The following ACSS3 variants were observed in gnomAD, a reference collection of about 807,000 sequenced individuals.
ACSS3 encodes the protein acyl-CoA synthetase short chain family member 3, also known as acyl-CoA synthetase short-chain family member 3, mitochondrial.
Under a neutral mutation model 84.2 loss-of-function variants are expected in ACSS3, and 64 were observed. The observed-to-expected ratio is 0.76, with a 90% CI of 0.62 to 0.94. ACSS3 has a LOEUF of 0.94. Ranked by LOEUF, ACSS3 falls within the 40% of genes least tolerant of loss-of-function variation. The pLI is 0.00. For missense variants in ACSS3, 815 were observed against 867.6 expected (o/e 0.94, Z 0.76); for synonymous variants, 317 against 310.1 (o/e 1.02, Z -0.23).
chr12:81,078,381 C>G lies in ACSS3; in HGVS notation c.261C>G (p.Tyr87Ter), dbSNP rs555649704. The G allele has an allele frequency of 6.2e-7, 1 of 1,612,664 alleles. No homozygotes were observed. The highest frequency in any genetic ancestry group is 1.3e-5 in the African/African-American group (1 of 74,884). ...AAGCTGCCGAGCAGATCAGCTGGTACAAGCCCTGGACCAAAACGCTGGAGA... is the reference window on the plus strand; with the variant it reads ...AAGCTGCCGAGCAGATCAGCTGGTAGAAGCCCTGGACCAAAACGCTGGAGA... ...WGKAAEQISWYKPWTKTLENK... is the reference protein window; with the variant it reads ...WGKAAEQISW Residue 87 changes from tyrosine (Y) to a stop codon, truncating the protein, a stop_gained, in exon 1 of 16, where the codon TAC becomes TAG. Coordinates refer to ENST00000548058, the MANE Select transcript of ACSS3 (RefSeq NM_024560.4). LOFTEE classifies it high-confidence loss of function.
chr12:81,224,176 T>C (rs1302867685), intron 11 of ACSS3, among the ~76,000 whole-genome samples: 1 of 152,052 alleles, frequency 6.6e-6, no homozygotes, highest in Non-Finnish European at 1.5e-5. Flanking sequence ...TAGCATTTGC[T>C]TTCAAATTTG....
At chr12:81,135,958 G>T (rs958574022) in intron 3 of ACSS3, among the ~76,000 whole-genome samples, 3 of 151,986 alleles carry the variant, frequency 2.0e-5, no homozygotes, top group African/African-American at 7.2e-5. Flanking sequence ...TACAAGAAAA[G>T]GACTAATAAC....
rs574210249 is a variant in ACSS3, at chr12:81,214,917, T to A, written c.1355-1984T>A. ...GGTAGTAGAAGTAACAAAAGCATCT[T>A]GAAGGTGGTATCTCCTTTCCTAATG... is the stretch of plus-strand genomic sequence containing the variant. On this transcript the variant is annotated intron_variant, in intron 9 of 15. Transcript: ENST00000548058. Among the ~76,000 whole-genome samples, 276 of 152,342 alleles carry A rather than the reference T, an allele frequency of 1.8e-3. 1 individual carries two copies. The highest frequency in any genetic ancestry group is 6.2e-3 in the African/African-American group (256 of 41,582).
At chr12:81,238,525 AT>A (rs1260763626) in intron 13 of ACSS3, among the ~76,000 whole-genome samples, 1 of 151,802 alleles carries the variant, frequency 6.6e-6, no homozygotes, top group Non-Finnish European at 1.5e-5. Flanking sequence ...AAGTTTATTA[AT>A]TGTTGATCTA....
At chr12:81,240,654 T>C (rs1469694672) in intron 13 of ACSS3, among the ~76,000 whole-genome samples, 2 of 151,922 alleles carry the variant, frequency 1.3e-5, no homozygotes, top group African/African-American at 4.8e-5. Flanking sequence ...TTTGTGGTTA[T>C]AATTGAACAT....
At chr12:81,176,126 A>T (rs2030459119) in intron 8 of ACSS3, among the ~76,000 whole-genome samples, 1 of 152,228 alleles carries the variant, frequency 6.6e-6, no homozygotes, top group Admixed American at 6.5e-5. Flanking sequence ...AAAAAGAGAG[A>T]AGATCCAAAT....
intron 1 of ACSS3, among the ~76,000 whole-genome samples, chr12:81,087,035 T>C (rs1486952093): frequency 6.6e-6 from 1 of 152,118 alleles, no homozygotes; most frequent in Non-Finnish European, 1.5e-5. Context: ...AAAGGATAGG[T>C]ATTATTTTTA....
At chr12:81,104,267 T>G (rs1299914418) in intron 1 of ACSS3, among the ~76,000 whole-genome samples, 1 of 151,968 alleles carries the variant, frequency 6.6e-6, no homozygotes, top group Non-Finnish European at 1.5e-5. Context: ...GAAGCACCAA[T>G]AGGCACAGAT....
chr12:81,187,309 T>C (rs1381867687), intron 8 of ACSS3, among the ~76,000 whole-genome samples: 1 of 151,766 alleles, frequency 6.6e-6, no homozygotes, highest in Admixed American at 6.6e-5. Context: ...GTACAACATA[T>C]AACTTTCCAA....
chr12:81,112,630 G>C (rs1053286412), intron 2 of ACSS3, among the ~76,000 whole-genome samples: 1 of 152,270 alleles, frequency 6.6e-6, no homozygotes, highest in Non-Finnish European at 1.5e-5. Context: ...AGAACTGTTA[G>C]GAAAGAGAGA....
chr12:81,237,472 T>C (rs1259460096), intron 13 of ACSS3, among the ~76,000 whole-genome samples: 1 of 151,636 alleles, frequency 6.6e-6, no homozygotes, highest in Non-Finnish European at 1.5e-5. Context: ...TAGGTAATGT[T>C]GGGTTTGGTA....
intron 1 of ACSS3, among the ~76,000 whole-genome samples, chr12:81,096,002 G>C (rs1364539487): frequency 2.6e-5 from 4 of 152,172 alleles, no homozygotes; most frequent in Admixed American, 2.6e-4. Context: ...TTCCAAGTAA[G>C]CAATTACCCA....
intron 7 of ACSS3, among the ~76,000 whole-genome samples, chr12:81,173,935 GA>G (rs2030272054): frequency 1.1e-5 from 1 of 93,436 alleles, no homozygotes; most frequent in Non-Finnish European, 2.5e-5. Flanking sequence ...TCCACAAACG[GA>G]TTTTGGATAT....
At chr12:81,205,752 C>G (rs1281183841) in intron 9 of ACSS3, among the ~76,000 whole-genome samples, 1 of 152,078 alleles carries the variant, frequency 6.6e-6, no homozygotes, top group Non-Finnish European at 1.5e-5. Context: ...AATCTGTCAG[C>G]CTGCAGTTCT....
At chr12:81,235,224 A>G (rs1017990884) in intron 13 of ACSS3, among the ~76,000 whole-genome samples, 1 of 151,360 alleles carries the variant, frequency 6.6e-6, no homozygotes, top group Admixed American at 6.6e-5. Flanking sequence ...CAAAAATCAG[A>G]TGATAATATT....
chr12:81,154,091 C>T (rs1593135272), intron 7 of ACSS3, among the ~76,000 whole-genome samples: 1 of 152,138 alleles, frequency 6.6e-6, no homozygotes, highest in Admixed American at 6.5e-5. Flanking sequence ...CTTGAGAAAA[C>T]ATTTTGTACC....
intron 8 of ACSS3, among the ~76,000 whole-genome samples, chr12:81,196,582 C>T (rs1165752504): frequency 1.3e-5 from 2 of 151,874 alleles, no homozygotes; most frequent in Non-Finnish European, 1.5e-5. Flanking sequence ...ATTGTATTAG[C>T]CCATTTTGCA....
intron 7 of ACSS3, among the ~76,000 whole-genome samples, chr12:81,167,245 G>A (rs1319299642): frequency 6.6e-6 from 1 of 152,038 alleles, no homozygotes; most frequent in Non-Finnish European, 1.5e-5. Flanking sequence ...AGAAACAATG[G>A]CTTATTCATT....
At chr12:81,200,710 G>A (rs906425042) in intron 9 of ACSS3, among the ~76,000 whole-genome samples, 2 of 151,838 alleles carry the variant, frequency 1.3e-5, no homozygotes, top group African/African-American at 2.4e-5. Flanking sequence ...GACCAGCCTG[G>A]CCAACATGGT....
Sources: allele counts gnomAD v4.1 joint callset (sites outside exome capture counted in the v4.1 genomes callset), GRCh38; gene constraint gnomAD v4.1.1; transcripts MANE v1.5; gene names NCBI Gene and HGNC (gene_info 2026-07-23, HGNC 2026-07-21).